The following ADARB2 variants were observed in gnomAD, a reference collection of about 807,000 sequenced individuals.
ADARB2 encodes adenosine deaminase RNA specific B2 (inactive).
ADARB2 carries 25 observed loss-of-function variants against 62.2 expected under a neutral mutation model. That is an observed-to-expected ratio of 0.40 (90% CI 0.29 to 0.56). ADARB2 has a LOEUF of 0.56. ADARB2 is among the 20% of genes least tolerant of loss of function. The pLI, the probability that ADARB2 is intolerant of heterozygous loss-of-function variation, is 0.43. For synonymous variants in ADARB2, 572 were observed against 500.8 expected, an observed-to-expected ratio of 1.14 and a Z score of -1.90; for missense variants, 1,071 against 1,077.4, an observed-to-expected ratio of 0.99 and a Z score of 0.08.
intron 2 of ADARB2, among the ~76,000 whole-genome samples, chr10:1,377,306 GT>G (rs1372208091): frequency 6.8e-6 from 1 of 146,822 alleles, no homozygotes; most frequent in Non-Finnish European, 1.5e-5. Context: ...CTCCTGGGGT[GT>G]GTGTGCACAC....
At chr10:1,243,958 C>T (rs989125389) in intron 4 of ADARB2, among the ~76,000 whole-genome samples, 27 of 152,242 alleles carry the variant, frequency 1.8e-4, no homozygotes, top group Non-Finnish European at 1.5e-4. Context: ...TTCCCCACGC[C>T]GCTTTAATCA....
chr10:1,275,429 T>C lies in ADARB2; in HGVS notation c.1078-4360A>G, dbSNP rs1831305943. ...GCAGGGCGGCTCCAGGCAGCAGCCA[T>C]GGCGCCCTCAAGGGCAGGGCACTTC... On this transcript the variant is annotated intron_variant, in intron 3 of 9. Transcript: ENST00000381312. 2.6e-5 allele frequency among the ~76,000 whole-genome samples: 4 copies of C among 152,318 alleles called. No homozygotes were observed. In the South Asian group the frequency reaches 8.3e-4, roughly 32 times the overall value.
intron 1 of ADARB2, among the ~76,000 whole-genome samples, chr10:1,467,664 C>T (rs1408458737): frequency 2.6e-5 from 4 of 152,114 alleles, no homozygotes; most frequent in Admixed American, 6.5e-5. Flanking sequence ...CTCCTGGGGG[C>T]GTGGAAGGCA....
At chr10:1,304,314 A>G (rs1489382771) in intron 3 of ADARB2, among the ~76,000 whole-genome samples, 3 of 150,812 alleles carry the variant, frequency 2.0e-5, no homozygotes, top group African/African-American at 7.3e-5. Flanking sequence ...CAATTCAACA[A>G]GAAGAGCTAA....
intron 1 of ADARB2, among the ~76,000 whole-genome samples, chr10:1,640,662 A>G (rs936878675): frequency 2.0e-5 from 3 of 152,238 alleles, no homozygotes; most frequent in South Asian, 4.1e-4. Flanking sequence ...AAACACACAC[A>G]CAGACACAAA....
At chr10:1,687,895 G>A (rs568499896) in intron 1 of ADARB2, among the ~76,000 whole-genome samples, 18 of 152,254 alleles carry the variant, frequency 1.2e-4, no homozygotes, top group South Asian at 4.2e-4. Flanking sequence ...TTGCCAGTGC[G>A]TATACAGTGA....
At chr10:1,278,345 G>C (rs966888915) in intron 3 of ADARB2, among the ~76,000 whole-genome samples, 1 of 151,186 alleles carries the variant, frequency 6.6e-6, no homozygotes, top group Non-Finnish European at 1.5e-5. Flanking sequence ...ACATGTGCAG[G>C]TTTGAGTGAT....
At chr10:1,439,151 G>T (rs1172528804) in intron 1 of ADARB2, among the ~76,000 whole-genome samples, 1 of 141,294 alleles carries the variant, frequency 7.1e-6, no homozygotes, top group Non-Finnish European at 1.5e-5. Flanking sequence ...ATGGAGGCAG[G>T]CCCTTCACGA....
At chr10:1,206,294 A>G (rs1201707853) in intron 7 of ADARB2, among the ~76,000 whole-genome samples, 1 of 152,058 alleles carries the variant, frequency 6.6e-6, no homozygotes, top group Non-Finnish European at 1.5e-5. Context: ...CGCGGGGGCC[A>G]CGCTCTCCCA....
chr10:1,564,706 G>A (rs1012835648), intron 1 of ADARB2, among the ~76,000 whole-genome samples: 3 of 151,356 alleles, frequency 2.0e-5, no homozygotes, highest in African/African-American at 4.9e-5. Flanking sequence ...CAAAACCACA[G>A]CGAGATACCA....
intron 1 of ADARB2, among the ~76,000 whole-genome samples, chr10:1,689,981 T>G (rs78205904): frequency 0.039 from 5,944 of 152,186 alleles, 166 homozygotes; most frequent in Middle Eastern, 0.082. Flanking sequence ...GTGGGGTTTT[T>G]TTGTTTTTGT....
intron 3 of ADARB2, among the ~76,000 whole-genome samples, chr10:1,318,345 T>G (rs910971023): frequency 1.3e-5 from 2 of 152,220 alleles, no homozygotes; most frequent in African/African-American, 2.4e-5. Context: ...AGAAGCTCCC[T>G]TTAAATTCAA....
intron 1 of ADARB2, among the ~76,000 whole-genome samples, chr10:1,546,404 C>T (rs533752738): frequency 1.3e-5 from 2 of 152,222 alleles, no homozygotes; most frequent in Non-Finnish European, 2.9e-5. Flanking sequence ...CTTCCGTTAC[C>T]ACTGTTGACC....
intron 1 of ADARB2, among the ~76,000 whole-genome samples, chr10:1,569,161 A>G (rs1384744304): frequency 1.5e-4 from 23 of 151,984 alleles, no homozygotes; most frequent in Non-Finnish European, 2.9e-5. Flanking sequence ...AGAGAGACAG[A>G]GATATATAAG....
intron 1 of ADARB2, among the ~76,000 whole-genome samples, chr10:1,619,014 C>A (rs986832349): frequency 1.3e-5 from 2 of 152,066 alleles, no homozygotes; most frequent in African/African-American, 4.8e-5. Context: ...GATCACCTGG[C>A]TTGGAGGAAT....
chr10:1,505,333 A>G (rs896154374), intron 1 of ADARB2, among the ~76,000 whole-genome samples: 3 of 151,534 alleles, frequency 2.0e-5, no homozygotes, highest in Non-Finnish European at 4.4e-5. Flanking sequence ...GCTGAGGAAG[A>G]TGACAGCACA....
At chr10:1,406,076 T>C (rs2387669) in intron 1 of ADARB2, among the ~76,000 whole-genome samples, 132,400 of 152,296 alleles carry the variant, frequency 0.87, 59,573 homozygotes, top group East Asian at 1. Context: ...TACACCTGTT[T>C]ATTACACCCT....
intron 1 of ADARB2, among the ~76,000 whole-genome samples, chr10:1,523,535 A>G (rs962998066): frequency 6.6e-6 from 1 of 152,194 alleles, no homozygotes; most frequent in African/African-American, 2.4e-5. Context: ...CCTCGGTCTC[A>G]TTCATCTCTA....
intron 1 of ADARB2, among the ~76,000 whole-genome samples, chr10:1,382,078 C>T (rs1237299501): frequency 6.6e-6 from 1 of 152,174 alleles, no homozygotes; most frequent in Non-Finnish European, 1.5e-5. Flanking sequence ...ATGTATATAT[C>T]AATTCATCGC....
Sources: gnomAD v4.1 joint callset for allele counts (sites outside exome capture counted in the v4.1 genomes callset) on GRCh38, gnomAD v4.1.1 for gene constraint, MANE v1.5 for transcripts, NCBI Gene and HGNC (gene_info 2026-07-23, HGNC 2026-07-21) for gene names.